The following CTLA4 variants were observed in gnomAD, a reference collection of about 807,000 sequenced individuals.
CTLA4 encodes cytotoxic T-lymphocyte protein 4.
A neutral mutation model predicts 20.4 loss-of-function variants in CTLA4; 3 were observed. The ratio of observed to expected loss-of-function variants is 0.15; its 90% confidence interval spans 0.07 to 0.38. The LOEUF (loss-of-function observed/expected upper bound fraction) is 0.38. Among genes scored for constraint, CTLA4 ranks in the 10% least tolerant of loss-of-function variants. The pLI, the probability that CTLA4 is intolerant of heterozygous loss-of-function variation, is 1.00. For missense variants in CTLA4, 184 were observed against 276.8 expected, an observed-to-expected ratio of 0.66 and a Z score of 2.38; for synonymous variants, 100 against 105.2, an observed-to-expected ratio of 0.95 and a Z score of 0.30.
intron 3 of CTLA4, 120 bp from the exon 4 acceptor site, chr2:203,872,588 T>C: frequency 1.8e-6 from 1 of 546,836 alleles, no homozygotes; most frequent in Non-Finnish European, 3.3e-6. Flanking sequence ...TATAATTCTG[T>C]ATGCTGTGAA....
At position 203,867,925 on chromosome 2, in the gene CTLA4, C is replaced by G; in HGVS notation, c.-18C>G. The G allele has an allele frequency of 6.2e-7, 1 of 1,602,014 alleles. No homozygotes were observed. On this transcript the variant is annotated 5_prime_UTR_variant, in exon 1 of 4. Transcript: ENST00000648405. ...TTGCTCTACTTCCTGAAGACCTGAA[C>G]ACCGCTCCCATAAAGCCATGGCTTG...
chr2:203,872,846 A>T lies in CTLA4; in HGVS notation c.*34A>T, dbSNP rs34162447. The T allele has an allele frequency of 2.3e-5, 31 of 1,374,046 alleles. No homozygotes were observed. Among genetic ancestry groups the T allele is most frequent in the Non-Finnish European group, 3.1e-5 (30 of 964,472 alleles). The allele number at this position is 1,374,046 out of a possible 1,614,324, so 85.1% of individuals were successfully genotyped here. A position where few individuals can be genotyped will look rare whatever the true frequency, so the allele number is the denominator to read the frequency against. ...TATGAAGAAGAGAGTCCATATTTCA[A>T]TTTCCAAGAGCTGAGGCAATTCTAA... On this transcript the variant is annotated 3_prime_UTR_variant, in exon 4 of 4. Transcript: ENST00000648405.
In CTLA4 at chr2:203,870,973, T is replaced by A; in HGVS notation, c.457+40T>A. The A allele has an allele frequency of 6.7e-7, 1 of 1,500,922 alleles. No homozygotes were observed. The highest frequency in any genetic ancestry group is 9.2e-7 in the Non-Finnish European group (1 of 1,086,492). The allele number at this position is 1,500,922 out of a possible 1,614,324, so 93.0% of individuals were successfully genotyped here. A position where few individuals can be genotyped will look rare whatever the true frequency, so the allele number is the denominator to read the frequency against. On this transcript the variant is annotated intron_variant, in intron 2 of 3. Transcript: ENST00000648405. The surrounding 1 kb of genome is among the most constrained non-coding windows in gnomAD (Gnocchi z 5.3). ...TTCACTGAGTTGACACCTGTTGCATTGCAGTCTTCTATGCACAAAAACAGT... is the reference window on the plus strand; with the variant it reads ...TTCACTGAGTTGACACCTGTTGCATAGCAGTCTTCTATGCACAAAAACAGT...
chr2:203,870,897 C>G lies in CTLA4; in HGVS notation c.421C>G (p.Leu141Val). 1 of 1,614,160 alleles carries G rather than the reference C, an allele frequency of 6.2e-7. No individual in the cohort carries two copies. The highest frequency in any genetic ancestry group is 8.5e-7 in the Non-Finnish European group (1 of 1,179,982). ...GCTCATGTACCCACCGCCATACTACCTGGGCATAGGCAACGGAACCCAGAT... is the reference window on the plus strand; with the variant it reads ...GCTCATGTACCCACCGCCATACTACGTGGGCATAGGCAACGGAACCCAGAT... ...VELMYPPPYY[L>V]GIGNGTQIYV... The change falls in exon 2 of 4, where the codon CTG (leucine) becomes GTG (valine). Residue 141 changes from leucine to valine, a missense_variant. Coordinates refer to ENST00000648405, the MANE Select transcript of CTLA4 (RefSeq NM_005214.5). This position sits in a 1 kb window ranked among gnomAD's most constrained non-coding sequence, Gnocchi z 5.3.
chr2:203,872,723 C>T lies in CTLA4; in HGVS notation c.583C>T (p.Pro195Ser). Reference sequence around the variant, plus strand: ...TGTTTGACAGCTAAAGAAAAGAAGCCCTCTTACAACAGGGGTCTATGTGAA... The same window carrying T: ...TGTTTGACAGCTAAAGAAAAGAAGCTCTCTTACAACAGGGGTCTATGTGAA... ...SLSKMLKKRS[P>S]LTTGVYVKMP... The change falls in exon 4 of 4, where the codon CCT (proline) becomes TCT (serine). Residue 195 changes from proline to serine, a missense_variant. By Grantham distance (74) the Pro-to-Ser change is moderately conservative. Coordinates refer to ENST00000648405, the MANE Select transcript of CTLA4 (RefSeq NM_005214.5). 6.2e-7 allele frequency: 1 copy of T among 1,609,684 alleles called. No individual in the cohort carries two copies. Among genetic ancestry groups the T allele is most frequent in the African/African-American group, 1.3e-5 (1 of 74,874 alleles).
At chr2:203,868,598 C>T (rs1171444376) in intron 1 of CTLA4, among the ~76,000 whole-genome samples, 2 of 151,818 alleles carry the variant, frequency 1.3e-5, no homozygotes, top group African/African-American at 4.8e-5. Flanking sequence ...TTAAGGTTCT[C>T]TTAATCAATT....
chr2:203,871,341 C>T, intron 2 of CTLA4, 37 bp from the exon 3 acceptor site: 1 of 1,558,512 alleles, frequency 6.4e-7, no homozygotes, highest in Admixed American at 1.7e-5. Context: ...GAGTTTAAAA[C>T]TGTCTCAGGG....
Position 203,872,803 on chromosome 2 carries a change from C to A in CTLA4, c.663C>A (p.Pro221=). 1 of 1,600,066 alleles carries A rather than the reference C, an allele frequency of 6.2e-7. No individual in the cohort carries two copies. Among genetic ancestry groups the A allele is most frequent in the Non-Finnish European group, 8.6e-7 (1 of 1,167,284 alleles). The change falls in exon 4 of 4, where the codon CCC becomes CCA. Residue 221 remains proline, a synonymous_variant. Transcript: ENST00000648405. ...AGCAATTTCAGCCTTATTTTATTCC[C>A]ATCAATTGAGAAACCATTATGAAGA... ...CEKQFQPYFI[P]IN is the part of the protein sequence containing the mutation.
chr2:203,869,155 C>T (rs1310680273), intron 1 of CTLA4, among the ~76,000 whole-genome samples: 2 of 152,040 alleles, frequency 1.3e-5, no homozygotes, highest in Non-Finnish European at 2.9e-5. Flanking sequence ...AGCTTAGAGT[C>T]AATACAATAA....
In CTLA4 at chr2:203,871,490, G is replaced by A. The variant is rs1688732320; in HGVS notation, c.567+3G>A. ...CAGCTGTTTCTTTGAGCAAAATGGTGAGTGTGGTGCTGATGGTGCACCATG... is the reference window on the plus strand; with the variant it reads ...CAGCTGTTTCTTTGAGCAAAATGGTAAGTGTGGTGCTGATGGTGCACCATG... On this transcript the variant is annotated splice_donor_region_variant and intron_variant, in intron 3 of 3. Coordinates refer to ENST00000648405, the MANE Select transcript of CTLA4 (RefSeq NM_005214.5). The A allele has an allele frequency of 6.2e-7, 1 of 1,607,268 alleles. No individual in the cohort carries two copies.
In CTLA4 at chr2:203,871,287, G is replaced by C. The variant is rs1394833866; in HGVS notation, c.458-91G>C. The C allele has an allele frequency of 7.9e-6, 9 of 1,135,444 alleles. No homozygotes were observed. The East Asian group carries it at 1.9e-4, about 24-fold the overall frequency. 70.3% of individuals were successfully genotyped at this position (1,135,444 alleles called of 1,614,324 possible). On this transcript the variant is annotated intron_variant, in intron 2 of 3. Transcript: ENST00000648405. ...TAGGGGTGGACCTCAAGGCCTGGAA[G>C]CTCTAATGTCCTTTTTTCACCAATG...
intron 1 of CTLA4, among the ~76,000 whole-genome samples, chr2:203,868,378 G>A (rs1345218275): frequency 6.6e-6 from 1 of 152,176 alleles, no homozygotes; most frequent in Non-Finnish European, 1.5e-5. Context: ...GATAGCCATA[G>A]TCCTGAATAC....
At chr2:203,871,236 C>A (rs1193098843) in intron 2 of CTLA4, 142 bp from the exon 3 acceptor site, 29 of 702,092 alleles carry the variant, frequency 4.1e-5, no homozygotes, top group Middle Eastern at 6.8e-4. Flanking sequence ...AATAGCCAAA[C>A]CTATTGGTGG....
rs1346241200 is a variant in CTLA4, at chr2:203,870,669, A to G, written c.193A>G (p.Lys65Glu). Residue 65 changes from lysine (K) to glutamate (E), a missense_variant, in exon 2 of 4, where the codon AAA becomes GAA. Physicochemically the swap from Lys to Glu is moderately conservative, Grantham distance 56. Around this residue, in one of 3 missense-constraint regions of CTLA4, gnomAD observed 147 missense variants for 223.4 expected, o/e 0.66. Transcript: ENST00000648405. This position sits in a 1 kb window ranked among gnomAD's most constrained non-coding sequence, Gnocchi z 5.3. ...SFVCEYASPG[K>E]ATEVRVTVLR... ...TGTGTGTGAGTATGCATCTCCAGGCAAAGCCACTGAGGTCCGGGTGACAGT... is the reference window on the plus strand; with the variant it reads ...TGTGTGTGAGTATGCATCTCCAGGCGAAGCCACTGAGGTCCGGGTGACAGT... 6.2e-7 allele frequency: 1 copy of G among 1,614,226 alleles called. No individual in the cohort carries two copies.
At chr2:203,871,515 G>A (rs1435374653) in intron 3 of CTLA4, 28 bp downstream of exon 3, 1 of 1,491,082 alleles carries the variant, frequency 6.7e-7, no homozygotes, top group South Asian at 1.1e-5. Context: ...GGTGCACCAT[G>A]TCTGATGGGG....
In CTLA4 at chr2:203,872,695, T is replaced by G. The variant is rs761319270; in HGVS notation, c.568-13T>G. ...CCTCAGTAGTAATTACTGTTTCTTT[T>G]TGTGTTTGACAGCTAAAGAAAAGAA... On this transcript the variant is annotated splice_polypyrimidine_tract_variant and intron_variant, in intron 3 of 3. Coordinates refer to ENST00000648405, the MANE Select transcript of CTLA4 (RefSeq NM_005214.5). 19 of 1,545,956 alleles carry G rather than the reference T, an allele frequency of 1.2e-5. No homozygotes were observed. The Admixed American group carries it at 2.8e-4, about 23-fold the overall frequency.
Position 203,873,633 on chromosome 2 carries a change from G to T in CTLA4, c.*821G>T, listed in dbSNP as rs987239114. ...AGTTGGTGTTGACATGTGCTTTGGG[G>T]CTTTTACACCAGTTCCTTTCAATGG... is the stretch of plus-strand genomic sequence containing the variant. On this transcript the variant is annotated 3_prime_UTR_variant, in exon 4 of 4. Transcript: ENST00000648405. 5 of 217,756 alleles carry T rather than the reference G, an allele frequency of 2.3e-5. No homozygotes were observed. The highest frequency in any genetic ancestry group is 3.7e-5 in the Non-Finnish European group (4 of 108,560). The allele number at this position is 217,756 out of a possible 1,614,324, so 13.5% of individuals were successfully genotyped here.
chr2:203,871,999 G>GT (rs1325986350), intron 3 of CTLA4, among the ~76,000 whole-genome samples: 3 of 152,138 alleles, frequency 2.0e-5, no homozygotes, highest in Admixed American at 6.5e-5. Context: ...TGACTGGGAC[G>GT]TTTTGCCTTC....
In CTLA4 at chr2:203,873,462, G is replaced by T. The variant is rs1440184854; in HGVS notation, c.*650G>T. On this transcript the variant is annotated 3_prime_UTR_variant, in exon 4 of 4. Transcript: ENST00000648405. ...ATGGTTTGAATATAAACACTATATG[G>T]CAGTGTCTTTCCACCTTGGGTCCCA... The T allele has an allele frequency of 4.5e-6, 1 of 223,310 alleles. No homozygotes were observed. Among genetic ancestry groups the T allele is most frequent in the Non-Finnish European group, 8.7e-6 (1 of 114,476 alleles). 13.8% of individuals were successfully genotyped at this position (223,310 alleles called of 1,614,324 possible).
Sources: gnomAD v4.1 joint callset for allele counts (sites outside exome capture counted in the v4.1 genomes callset) on GRCh38, gnomAD v4.1.1 for gene constraint, gnomAD v4.1.1 regional missense constraint, Gnocchi (gnomAD v3.1) non-coding constraint, MANE v1.5 for transcripts, NCBI Gene and HGNC (gene_info 2026-07-23, HGNC 2026-07-21) for gene names.